ANKMY1: variants seen among roughly 807,000 people sequenced by gnomAD.
ANKMY1 encodes ankyrin repeat and MYND domain containing 1, also known as ankyrin repeat and MYND domain-containing protein 1.
Under a neutral mutation model 102.0 loss-of-function variants are expected in ANKMY1, and 98 were observed. The ratio of observed to expected loss-of-function variants is 0.96; its 90% confidence interval spans 0.82 to 1.14. The LOEUF (loss-of-function observed/expected upper bound fraction) is 1.14. Ranked by LOEUF, ANKMY1 falls within the 50% of genes most tolerant of loss-of-function variation. The pLI is 0.00. For synonymous variants in ANKMY1, 582 were observed against 559.9 expected, an observed-to-expected ratio of 1.04 and a Z score of -0.56; for missense variants, 1,330 against 1,347.6, an observed-to-expected ratio of 0.99 and a Z score of 0.20.
At chr2:240,561,009 C>G, upstream of ANKMY1, 1 of 1,536,542 alleles carries the variant, frequency 6.5e-7, no homozygotes, top group East Asian at 2.4e-5. Context: ...CGGCCGCAGC[C>G]GCTCGGCCGC....
intron 4 of ANKMY1, among the ~76,000 whole-genome samples, chr2:240,552,227 G>A (rs571272931): frequency 7.9e-5 from 12 of 152,154 alleles, no homozygotes; most frequent in Non-Finnish European, 1.3e-4. Context: ...TGCAGGAAGC[G>A]GAAAGATCTA....
intron 15 of ANKMY1, among the ~76,000 whole-genome samples, chr2:240,493,717 C>A (rs945727978): frequency 1.3e-5 from 2 of 152,038 alleles, no homozygotes; most frequent in Non-Finnish European, 2.9e-5. Flanking sequence ...AATCTTCAGG[C>A]CCCAGAGGTG....
chr2:240,490,249 CTG>C (rs2076492172), intron 15 of ANKMY1, among the ~76,000 whole-genome samples: 1 of 152,102 alleles, frequency 6.6e-6, no homozygotes, highest in Admixed American at 6.6e-5. Flanking sequence ...CATTGATTCT[CTG>C]TATTTTTTCT....
At chr2:240,478,890 G>A (rs2075042938), downstream of ANKMY1, among the ~76,000 whole-genome samples, 1 of 152,004 alleles carries the variant, frequency 6.6e-6, no homozygotes, top group South Asian at 2.1e-4. Context: ...CTCATCCCTG[G>A]ACGCTGTCCC....
Position 240,523,949 on chromosome 2 carries a change from G to A in ANKMY1, c.1768C>T (p.Pro590Ser). 1 of 1,613,778 alleles carries A rather than the reference G, an allele frequency of 6.2e-7. No homozygotes were observed. Among genetic ancestry groups the A allele is most frequent in the South Asian group, 1.1e-5 (1 of 91,086 alleles). Residue 590 changes from proline (P) to serine (S), a missense_variant, in exon 8 of 18, where the codon CCC becomes TCC. By Grantham distance (74) the Pro-to-Ser change is moderately conservative. Coordinates refer to ENST00000401804, the MANE Select transcript of ANKMY1 (RefSeq NM_001282771.3). The stretch of plus-strand genomic sequence containing the variant: ...TCGAAGCTGCTGGTGCACGGTGAGG[G>A]CGAGGCCATCTTCAGCAAGCTGTGG... Reference protein sequence around the residue: ...QSHSLLKMASPSPCTSSFDKG... With the variant: ...QSHSLLKMASSSPCTSSFDKG...
rs190020620 is a variant in ANKMY1 at position 240,540,510 on chromosome 2, T to C, written c.481-11001A>G. ...AAAGAACTGAAACTCACCAGATCACTGCATCCAATGAGACTCCAGGCCCCT... is the reference window on the plus strand; with the variant it reads ...AAAGAACTGAAACTCACCAGATCACCGCATCCAATGAGACTCCAGGCCCCT... On this transcript the variant is annotated intron_variant, in intron 4 of 17. Transcript: ENST00000401804. Among the ~76,000 whole-genome samples, 479 of 152,340 alleles carry C rather than the reference T, an allele frequency of 3.1e-3. 2 individuals carry two copies. Among genetic ancestry groups the C allele is most frequent in the Middle Eastern group, 6.8e-3 (2 of 294 alleles).
intron 12 of ANKMY1, 195 bp from the exon 13 acceptor site, chr2:240,507,886 G>A: frequency 3.6e-6 from 2 of 554,544 alleles, no homozygotes; most frequent in Non-Finnish European, 5.8e-6. Flanking sequence ...ATGATGCTGG[G>A]CGGGGAGGGG....
intron 4 of ANKMY1, among the ~76,000 whole-genome samples, chr2:240,533,364 T>C (rs1158305818): frequency 6.6e-6 from 1 of 152,156 alleles, no homozygotes; most frequent in Non-Finnish European, 1.5e-5. Context: ...ATGTACATGG[T>C]CTAAAATCAG....
intron 4 of ANKMY1, among the ~76,000 whole-genome samples, chr2:240,532,830 G>C (rs979741140): frequency 1.3e-5 from 2 of 152,116 alleles, no homozygotes; most frequent in African/African-American, 4.8e-5. Context: ...TCAGACTCCT[G>C]AGTAGCTAGG....
chr2:240,489,766 C>T (rs1021748421), intron 15 of ANKMY1, among the ~76,000 whole-genome samples: 4 of 152,176 alleles, frequency 2.6e-5, no homozygotes, highest in Non-Finnish European at 5.9e-5. Context: ...CAGGGTGACA[C>T]TGGCCTGATA....
intron 4 of ANKMY1, among the ~76,000 whole-genome samples, chr2:240,547,120 T>C (rs1388909665): frequency 6.6e-6 from 1 of 152,080 alleles, no homozygotes; most frequent in African/African-American, 2.4e-5. Context: ...AGTAAAGCTC[T>C]CCTCAGCAAA....
chr2:240,535,903 A>G (rs1451181134), intron 4 of ANKMY1, among the ~76,000 whole-genome samples: 1 of 151,778 alleles, frequency 6.6e-6, no homozygotes, highest in Non-Finnish European at 1.5e-5. Context: ...AAGCACATAT[A>G]AAGACTATGC....
intron 3 of ANKMY1, chr2:240,554,295 G>C (rs1408074698): frequency 2.0e-5 from 3 of 152,304 alleles, no homozygotes; most frequent in Non-Finnish European, 2.9e-5. Context: ...CCAGGGGCTG[G>C]GCAGATGGAA....
chr2:240,524,207 G>A lies in ANKMY1; in HGVS notation c.1510C>T (p.Gln504Ter). 6.2e-7 allele frequency: 1 copy of A among 1,613,900 alleles called. No individual in the cohort carries two copies. Among genetic ancestry groups the A allele is most frequent in the Non-Finnish European group, 8.5e-7 (1 of 1,180,028 alleles). Residue 504 changes from glutamine to a stop codon, truncating the protein, a stop_gained, in exon 8 of 18, where the codon CAG (glutamine) becomes TAG (stop). Transcript: ENST00000401804. LOFTEE classifies it high-confidence loss of function. Reference protein sequence around the residue: ...VSGSHEGGHFQDTGQCGGSID... With the variant: ...VSGSHEGGHF ...GACCCCCCACACTGCCCGGTGTCCT[G>A]GAAGTGGCCGCCCTCGTGGCTGCCT... is the stretch of plus-strand genomic sequence containing the variant.
chr2:240,484,755 T>C (rs2075844640), intron 15 of ANKMY1, among the ~76,000 whole-genome samples: 1 of 152,004 alleles, frequency 6.6e-6, no homozygotes, highest in Non-Finnish European at 1.5e-5. Context: ...ATCATCAGAG[T>C]GAACAGGCAA....
rs778497009 is a variant in ANKMY1, at chr2:240,520,442, CA to C, written c.1923del (p.Ala642LeufsTer2). 11 of 1,613,066 alleles carry C rather than the reference CA, an allele frequency of 6.8e-6. 1 individual carries two copies. Among genetic ancestry groups the C allele is most frequent in the Non-Finnish European group, 7.6e-6 (9 of 1,179,692 alleles). ...CCATCCACGTCCCCGGCCTTCACAGCAAGGAACAGGACCTGCATGGGCACGC... is the reference window on the plus strand; with the variant it reads ...CCATCCACGTCCCCGGCCTTCACAGCAGGAACAGGACCTGCATGGGCACGC... ...LCCVPMQVLF[L>X]AVKAGDVDGV... is the part of the protein sequence containing the mutation. On this transcript the variant is annotated frameshift_variant, in exon 9 of 18. Coordinates refer to ENST00000401804, the MANE Select transcript of ANKMY1 (RefSeq NM_001282771.3). LOFTEE classifies it high-confidence loss of function. The surrounding 1 kb of genome is among the most constrained non-coding windows in gnomAD (Gnocchi z 4.8).
chr2:240,479,833 A>C (rs889762490), intron 17 of ANKMY1, among the ~76,000 whole-genome samples, 178 bp from the exon 18 acceptor site: 6 of 152,112 alleles, frequency 3.9e-5, no homozygotes, highest in African/African-American at 1.4e-4. Flanking sequence ...GTGACTCTTC[A>C]AAGAGGGGCC....
chr2:240,479,529 A>T lies in ANKMY1; in HGVS notation c.*80T>A. On this transcript the variant is annotated 3_prime_UTR_variant, in exon 18 of 18. Transcript: ENST00000401804. ...AGAAATGCCTGCATTAGGCTGGAAGATTCCCTGAGGTGGCTCAGGCAGGTA... is the reference window on the plus strand; with the variant it reads ...AGAAATGCCTGCATTAGGCTGGAAGTTTCCCTGAGGTGGCTCAGGCAGGTA... 1 of 1,504,318 alleles carries T rather than the reference A, an allele frequency of 6.6e-7. No individual in the cohort carries two copies. The highest frequency in any genetic ancestry group is 9.2e-7 in the Non-Finnish European group (1 of 1,083,826). 93.2% of individuals were successfully genotyped at this position (1,504,318 alleles called of 1,614,324 possible).
At chr2:240,530,679 G>A (rs75316893) in intron 4 of ANKMY1, among the ~76,000 whole-genome samples, 5,018 of 152,114 alleles carry the variant, frequency 0.033, 114 homozygotes, top group Middle Eastern at 0.13. Flanking sequence ...CTACACACCC[G>A]CCTGAGCATC....
Sources: allele counts gnomAD v4.1 joint callset (sites outside exome capture counted in the v4.1 genomes callset), GRCh38; gene constraint gnomAD v4.1.1; non-coding constraint Gnocchi (gnomAD v3.1); transcripts MANE v1.5; gene names NCBI Gene and HGNC (gene_info 2026-07-23, HGNC 2026-07-21).